The following MRNIP variants were observed in gnomAD, a reference collection of about 807,000 sequenced individuals.
MRNIP encodes MRN complex interacting protein.
MRNIP carries 30 observed loss-of-function variants against 29.8 expected under a neutral mutation model. The ratio of observed to expected loss-of-function variants is 1.01; its 90% CI spans 0.75 to 1.36. The LOEUF (loss-of-function observed/expected upper bound fraction) is 1.36, where lower values mean the gene tolerates loss of function less well. MRNIP is among the 40% of genes most tolerant of loss of function. The probability of loss-of-function intolerance (pLI) is 0.00; values close to 1 mark genes in which losing one functional copy is unlikely to be tolerated. For missense variants in MRNIP, 459 were observed against 423.5 expected (o/e 1.08, Z -0.74); for synonymous variants, 201 against 164.1 (o/e 1.23, Z -1.72).
At chr5:179,842,156 C>T in intron 4 of MRNIP, 92 bp from the exon 5 acceptor site, 3 of 1,271,454 alleles carry the variant, frequency 2.4e-6, no homozygotes, top group Non-Finnish European at 3.3e-6. Flanking sequence ...CTGAGGATCT[C>T]AGGAGTCATG....
In MRNIP at chr5:179,842,681, C is replaced by T. The variant is rs1758937594; in HGVS notation, c.292-617G>A. On this transcript the variant is annotated intron_variant, in intron 4 of 6. Transcript: ENST00000292586. ...TGCCATTACACTCCAGCCTGGGGGG[C>T]AGAGCGAGACTCCGTCTCAAAAAAA... Among the ~76,000 whole-genome samples the T allele has an allele frequency of 7.2e-5, 7 of 96,622 alleles. No homozygotes were observed. In the South Asian group the frequency reaches 2.7e-3, roughly 37 times the overall value. 63.4% of individuals were successfully genotyped at this position (96,622 alleles called of 152,430 possible). A position where few individuals can be genotyped will look rare whatever the true frequency, so the allele number is the denominator to read the frequency against.
intron 3 of MRNIP, chr5:179,847,327 CA>C (rs1759180680): frequency 1.3e-5 from 2 of 151,926 alleles, no homozygotes; most frequent in African/African-American, 4.8e-5. Flanking sequence ...AACATCATGC[CA>C]GGCTAATTTT....
intron 2 of MRNIP, among the ~76,000 whole-genome samples, chr5:179,851,684 T>A (rs1013888033): frequency 3.9e-5 from 6 of 152,004 alleles, no homozygotes; most frequent in East Asian, 3.9e-4. Flanking sequence ...TTCCCTTTTT[T>A]AAAAAAAATA....
At position 179,853,587 on chromosome 5, in the gene MRNIP, T is replaced by C. The variant is rs1159864509; in HGVS notation, c.67-150A>G. ...AGGAGTTCGAGACCAGCCTGACCAA[T>C]ATGGTGAAACCCAGTCTCTACTAAA... On this transcript the variant is annotated intron_variant, in intron 1 of 6. Transcript: ENST00000292586. 2.5e-5 allele frequency: 15 copies of C among 588,462 alleles called. 1 individual carries two copies. In the Admixed American group the frequency reaches 2.7e-4, roughly 11 times the overall value. The allele number at this position is 588,462 out of a possible 1,614,324, so 36.5% of individuals were successfully genotyped here.
chr5:179,843,581 A>G (rs192186161), intron 4 of MRNIP, among the ~76,000 whole-genome samples: 17 of 152,250 alleles, frequency 1.1e-4, no homozygotes, highest in African/African-American at 4.1e-4. Context: ...TCTACAAAAA[A>G]GAAAAAAAAT....
intron 5 of MRNIP, chr5:179,841,704 C>T: frequency 1.6e-6 from 1 of 615,426 alleles, no homozygotes; most frequent in Non-Finnish European, 2.9e-6. Flanking sequence ...TCCTGCCCAG[C>T]CTTCGCCTCT....
chr5:179,842,524 A>AC (rs1458222043), intron 4 of MRNIP, among the ~76,000 whole-genome samples: 30 of 147,882 alleles, frequency 2.0e-4, no homozygotes, highest in Non-Finnish European at 2.5e-4. Flanking sequence ...ACTAAAAAAA[A>AC]AACAACAACA....
At chr5:179,856,194 C>T (rs1388393455) in intron 1 of MRNIP, among the ~76,000 whole-genome samples, 2 of 151,938 alleles carry the variant, frequency 1.3e-5, no homozygotes, top group Non-Finnish European at 2.9e-5. Context: ...GTGTGAGCCA[C>T]CGCACCCGGC....
chr5:179,849,825 G>A (rs1345518902), intron 2 of MRNIP, among the ~76,000 whole-genome samples: 2 of 151,918 alleles, frequency 1.3e-5, no homozygotes, highest in African/African-American at 4.8e-5. Context: ...CATGGGTCGT[G>A]CTATGGCACA....
At chr5:179,857,930 G>A (rs1759663106) in intron 1 of MRNIP, among the ~76,000 whole-genome samples, 1 of 151,170 alleles carries the variant, frequency 6.6e-6, no homozygotes, top group African/African-American at 2.4e-5. Context: ...AGAATTGCTT[G>A]AACCTGGGAG....
rs576106195 is a variant in MRNIP, at chr5:179,851,453, G to T, written c.126+1925C>A. On this transcript the variant is annotated intron_variant, in intron 2 of 6. Transcript: ENST00000292586. ...GGGAGAAACAGAAAGGGAAGGAGAGGAGAAAATAGAGTAAAGATATAGGGA... is the reference window on the plus strand; with the variant it reads ...GGGAGAAACAGAAAGGGAAGGAGAGTAGAAAATAGAGTAAAGATATAGGGA... The T allele has an allele frequency of 3.9e-3, 1,784 of 455,970 alleles. 47 individuals carry two copies. Among genetic ancestry groups the T allele is most frequent in the South Asian group, 0.025 (1,636 of 64,562 alleles). 28.2% of individuals were successfully genotyped at this position (455,970 alleles called of 1,614,324 possible).
chr5:179,853,655 C>A (rs1759464505), intron 1 of MRNIP, among the ~76,000 whole-genome samples: 1 of 151,876 alleles, frequency 6.6e-6, no homozygotes, highest in Non-Finnish European at 1.5e-5. Context: ...ACCTGTAATC[C>A]CAGCTACTCA....
intron 5 of MRNIP, 123 bp from the exon 6 acceptor site, chr5:179,841,082 A>G: frequency 1.5e-6 from 1 of 655,394 alleles, no homozygotes; most frequent in Non-Finnish European, 2.7e-6. Flanking sequence ...CTTCCCAGGC[A>G]GCTGCTCAGG....
At chr5:179,842,969 G>C (rs568903335) in intron 4 of MRNIP, among the ~76,000 whole-genome samples, 1 of 149,850 alleles carries the variant, frequency 6.7e-6, no homozygotes, top group African/African-American at 2.4e-5. Context: ...GGAGGCAGAA[G>C]TTGCAGTGAG....
chr5:179,857,029 C>T (rs1252106065), intron 1 of MRNIP, among the ~76,000 whole-genome samples: 2 of 152,062 alleles, frequency 1.3e-5, no homozygotes, highest in Non-Finnish European at 2.9e-5. Context: ...CAGGTTGCAG[C>T]GAGCTGTGAT....
intron 3 of MRNIP, among the ~76,000 whole-genome samples, chr5:179,844,641 G>A (rs1759055004): frequency 6.6e-6 from 1 of 151,926 alleles, no homozygotes; most frequent in Admixed American, 6.6e-5. Flanking sequence ...GCCCAGGCTA[G>A]TCTCAAATTC....
intron 1 of MRNIP, among the ~76,000 whole-genome samples, chr5:179,856,860 G>A (rs554204092): frequency 3.4e-4 from 52 of 151,924 alleles, no homozygotes; most frequent in African/African-American, 1.1e-3. Context: ...GAGCTAAGGC[G>A]GGAAGAACAC....
chr5:179,853,697 G>A (rs550701066), intron 1 of MRNIP, among the ~76,000 whole-genome samples: 1 of 151,560 alleles, frequency 6.6e-6, no homozygotes, highest in African/African-American at 2.4e-5. Flanking sequence ...GCTTAAACCT[G>A]GGAGGTGGAG....
At chr5:179,858,389 C>G (rs1300719170) in intron 1 of MRNIP, among the ~76,000 whole-genome samples, 1 of 151,942 alleles carries the variant, frequency 6.6e-6, no homozygotes, top group Non-Finnish European at 1.5e-5. Context: ...CGCTCGGTCT[C>G]TAAGAACCGT....
Sources: gnomAD v4.1 joint callset for allele counts (sites outside exome capture counted in the v4.1 genomes callset) on GRCh38, gnomAD v4.1.1 for gene constraint, MANE v1.5 for transcripts, NCBI Gene and HGNC (gene_info 2026-07-23, HGNC 2026-07-21) for gene names.